ELK3: variants seen among roughly 807,000 people sequenced by gnomAD.
The protein encoded by ELK3 is ETS domain-containing protein Elk-3.
In ELK3, 10 loss-of-function variants were observed where a neutral mutation model predicts 28.9. The ratio of observed to expected loss-of-function variants is 0.35; its 90% CI spans 0.21 to 0.59. The LOEUF (loss-of-function observed/expected upper bound fraction) is 0.59. ELK3 is among the 20% of genes least tolerant of loss of function. The pLI is 0.82. For synonymous variants in ELK3, 272 were observed against 243.5 expected (o/e 1.12, Z -1.09); for missense variants, 463 against 517.3 (o/e 0.90, Z 1.02).
At chr12:96,235,692 TG>T (rs1272431697) in intron 2 of ELK3, among the ~76,000 whole-genome samples, 1 of 152,118 alleles carries the variant, frequency 6.6e-6, no homozygotes, top group Non-Finnish European at 1.5e-5. Flanking sequence ...TGACACACAC[TG>T]CCCGGCCATG....
At chr12:96,214,106 C>T (rs574097476) in intron 1 of ELK3, among the ~76,000 whole-genome samples, 2 of 152,264 alleles carry the variant, frequency 1.3e-5, no homozygotes, top group Admixed American at 6.5e-5. Context: ...CAACCTTTCT[C>T]TTTCCCAAGA....
intron 3 of ELK3, among the ~76,000 whole-genome samples, chr12:96,255,924 T>C (rs1951944686): frequency 6.6e-6 from 1 of 152,090 alleles, no homozygotes; most frequent in Non-Finnish European, 1.5e-5. Context: ...GACCCCTAGG[T>C]AGGAATTTGG....
chr12:96,240,504 T>C lies in ELK3; in HGVS notation c.208-6436T>C, dbSNP rs371862324. Among the ~76,000 whole-genome samples the C allele has an allele frequency of 5.9e-5, 9 of 152,338 alleles. No individual in the cohort carries two copies. The South Asian group carries it at 1.7e-3, about 28-fold the overall frequency. ...TACATGAGAAGCTGAGGCATTGAAC[T>C]CAGGCAGTGACTCTGGAGCCTCTCC... On this transcript the variant is annotated intron_variant, in intron 2 of 4. Coordinates refer to ENST00000228741, the MANE Select transcript of ELK3 (RefSeq NM_005230.4).
At chr12:96,221,595 G>A (rs1287423273) in intron 1 of ELK3, among the ~76,000 whole-genome samples, 1 of 152,202 alleles carries the variant, frequency 6.6e-6, no homozygotes. Context: ...TGCGACAACT[G>A]TTAGCCGTTC....
At chr12:96,244,660 C>T (rs1951844219) in intron 2 of ELK3, among the ~76,000 whole-genome samples, 1 of 151,936 alleles carries the variant, frequency 6.6e-6, no homozygotes. Context: ...AGTTTTTCCC[C>T]AGGGAGAAAA....
chr12:96,249,208 G>C (rs1027492679), intron 3 of ELK3, among the ~76,000 whole-genome samples: 1 of 152,176 alleles, frequency 6.6e-6, no homozygotes, highest in Admixed American at 6.5e-5. Context: ...CAGAATCCAT[G>C]CTCTCAAATG....
chr12:96,239,931 G>A (rs1287912540), intron 2 of ELK3, among the ~76,000 whole-genome samples: 2 of 152,220 alleles, frequency 1.3e-5, no homozygotes, highest in African/African-American at 2.4e-5. Context: ...TGTAGGCTGC[G>A]GCCAGCATCT....
chr12:96,210,598 C>CACACACACACACA (rs1555193043), intron 1 of ELK3, among the ~76,000 whole-genome samples: 2 of 138,800 alleles, frequency 1.4e-5, no homozygotes, highest in Admixed American at 7.7e-5. Context: ...CACACACACA[C>CACACACACACACA]CCCGAGTGGG....
intron 2 of ELK3, among the ~76,000 whole-genome samples, chr12:96,230,099 T>A (rs1951730132): frequency 6.6e-6 from 1 of 152,192 alleles, no homozygotes. Context: ...AATTCCATAT[T>A]TTTACTGTAC....
At chr12:96,250,407 A>G (rs1201716096) in intron 3 of ELK3, among the ~76,000 whole-genome samples, 4 of 152,140 alleles carry the variant, frequency 2.6e-5, no homozygotes, top group Non-Finnish European at 5.9e-5. Flanking sequence ...ATCAGATAGG[A>G]TATCTTGAAG....
intron 4 of ELK3, among the ~76,000 whole-genome samples, chr12:96,262,326 A>C (rs779534674): frequency 6.6e-6 from 1 of 152,064 alleles, no homozygotes; most frequent in Non-Finnish European, 1.5e-5. Flanking sequence ...GCCCAAAAAC[A>C]TTTTTGTCAT....
At chr12:96,221,085 G>A (rs534913649) in intron 1 of ELK3, among the ~76,000 whole-genome samples, 2 of 152,256 alleles carry the variant, frequency 1.3e-5, no homozygotes, top group Admixed American at 6.5e-5. Flanking sequence ...CTGGCCAAAT[G>A]CAATCACATG....
chr12:96,220,906 G>A (rs1240369311), intron 1 of ELK3, among the ~76,000 whole-genome samples: 3 of 152,224 alleles, frequency 2.0e-5, no homozygotes, highest in East Asian at 3.9e-4. Context: ...GATGATGGGC[G>A]GGTGGGGCTT....
chr12:96,218,809 T>G (rs771729386), intron 1 of ELK3, among the ~76,000 whole-genome samples: 5 of 151,900 alleles, frequency 3.3e-5, no homozygotes, highest in Non-Finnish European at 5.9e-5. Context: ...CCACCACGCC[T>G]GGCTAATTTT....
intron 1 of ELK3, 79 bp downstream of exon 1, chr12:96,194,784 C>A (rs1170347524): frequency 8.8e-6 from 1 of 113,560 alleles, no homozygotes; most frequent in East Asian, 2.6e-4. Flanking sequence ...TCTTTCTTTT[C>A]TTGGGCGCGG....
chr12:96,235,386 G>A (rs376399939), intron 2 of ELK3, among the ~76,000 whole-genome samples: 13 of 152,060 alleles, frequency 8.5e-5, no homozygotes, highest in East Asian at 5.8e-4. Flanking sequence ...CTGTCATTGC[G>A]TCTCCCTTAC....
chr12:96,230,793 A>T (rs547815923), intron 2 of ELK3, among the ~76,000 whole-genome samples: 1 of 152,304 alleles, frequency 6.6e-6, no homozygotes, highest in African/African-American at 2.4e-5. Flanking sequence ...TCCTGCATCT[A>T]CAGTTGTGCG....
rs767528787 is a variant in ELK3 at position 96,247,089 on chromosome 12, C to A, written c.357C>A (p.Arg119=). 1 of 1,613,540 alleles carries A rather than the reference C, an allele frequency of 6.2e-7. No individual in the cohort carries two copies. The highest frequency in any genetic ancestry group is 8.5e-7 in the Non-Finnish European group (1 of 1,179,924). Reference sequence around the variant, plus strand: ...ACTGCAAGGCGTCTCCGGAGGGCCGCGAGGCCCACAAACACGGCCTGGCCG... The same window carrying A: ...ACTGCAAGGCGTCTCCGGAGGGCCGAGAGGCCCACAAACACGGCCTGGCCG... The part of the protein sequence containing the change: ...DSDCKASPEG[R]EAHKHGLAAL... The change falls in exon 3 of 5, where the codon CGC becomes CGA. Residue 119 remains arginine, a synonymous_variant. Coordinates refer to ENST00000228741, the MANE Select transcript of ELK3 (RefSeq NM_005230.4). The surrounding 1 kb of genome is among the most constrained non-coding windows in gnomAD (Gnocchi z 5.5).
chr12:96,245,112 G>A (rs1199024579), intron 2 of ELK3, among the ~76,000 whole-genome samples: 2 of 152,100 alleles, frequency 1.3e-5, no homozygotes, highest in African/African-American at 4.8e-5. Context: ...GCTCAGTGAG[G>A]TTTCTCCATG....
Sources: gnomAD v4.1 joint callset for allele counts (sites outside exome capture counted in the v4.1 genomes callset) on GRCh38, gnomAD v4.1.1 for gene constraint, Gnocchi (gnomAD v3.1) non-coding constraint, MANE v1.5 for transcripts, NCBI Gene and HGNC (gene_info 2026-07-23, HGNC 2026-07-21) for gene names.